The following SH3KBP1 variants were observed in gnomAD, a reference collection of about 807,000 sequenced individuals.
SH3KBP1 encodes SH3 domain-containing kinase-binding protein 1.
SH3KBP1 carries 8 observed loss-of-function variants against 50.1 expected under a neutral mutation model. That is an observed-to-expected ratio of 0.16 (90% confidence interval 0.09 to 0.29). The LOEUF is 0.29. SH3KBP1 is among the 10% of genes least tolerant of loss of function. The probability of loss-of-function intolerance (pLI) is 1.00; values close to 1 mark genes in which losing one functional copy is unlikely to be tolerated. For missense variants in SH3KBP1, 377 were observed against 535.2 expected, an observed-to-expected ratio of 0.70 and a Z score of 2.92; for synonymous variants, 227 against 218.6, an observed-to-expected ratio of 1.04 and a Z score of -0.34.
chrX:19,771,924 C>CA (rs112094907), intron 2 of SH3KBP1, among the ~76,000 whole-genome samples: 220 of 90,346 alleles, frequency 2.4e-3, no homozygotes, highest in South Asian at 7.0e-3. Context: ...ACAATTAAAA[C>CA]AAAAAAAAAA....
chrX:19,563,990 T>C (rs2065762249), intron 13 of SH3KBP1, among the ~76,000 whole-genome samples: 1 of 111,820 alleles, frequency 8.9e-6, no homozygotes, highest in Non-Finnish European at 1.9e-5. Context: ...TTTTTGTTTT[T>C]TTTTAATGGC....
intron 11 of SH3KBP1, among the ~76,000 whole-genome samples, chrX:19,590,363 G>A (rs1036764885): frequency 2.7e-5 from 3 of 111,450 alleles, no homozygotes; most frequent in African/African-American, 6.5e-5. Flanking sequence ...CCAAGTATCC[G>A]GGTAGGGCTG....
intron 2 of SH3KBP1, among the ~76,000 whole-genome samples, chrX:19,789,621 A>G (rs934339885): frequency 1.9e-5 from 2 of 108,044 alleles, no homozygotes; most frequent in African/African-American, 3.4e-5. Flanking sequence ...TTATGAGGAC[A>G]CCAGTCAGAT....
intron 1 of SH3KBP1, among the ~76,000 whole-genome samples, chrX:19,871,658 T>C (rs1889933512): frequency 2.7e-5 from 3 of 111,840 alleles, no homozygotes; most frequent in African/African-American, 6.5e-5. Context: ...CTGAAAGTGA[T>C]GAATTAAAAA....
rs138223884 is a variant in SH3KBP1, at chrX:19,676,234, T to G, written c.726+7589A>C. 4.0e-3 allele frequency among the ~76,000 whole-genome samples: 440 copies of G among 111,241 alleles called. 5 individuals are homozygous for G. The highest frequency in any genetic ancestry group is 0.013 in the African/African-American group (400 of 30,562). On this transcript the variant is annotated intron_variant, in intron 6 of 17. Transcript: ENST00000397821. ...GAGCTTATTTCTAGTCTTCAAAGGA[T>G]TAGGACATAGATCTCTCATTTTTAA...
chrX:19,591,427 T>C (rs2066746434), intron 11 of SH3KBP1, among the ~76,000 whole-genome samples: 1 of 110,940 alleles, frequency 9.0e-6, no homozygotes, highest in Admixed American at 9.6e-5. Context: ...AACGCGTTCA[T>C]AAACCTGATT....
intron 3 of SH3KBP1, among the ~76,000 whole-genome samples, chrX:19,721,598 T>C (rs1401118012): frequency 8.9e-6 from 1 of 111,839 alleles, no homozygotes; most frequent in Non-Finnish European, 1.9e-5. Context: ...TTTTTATTCA[T>C]TTACCAACAT....
chrX:19,728,888 A>C, intron 3 of SH3KBP1, among the ~76,000 whole-genome samples: 1 of 112,414 alleles, frequency 8.9e-6, no homozygotes, highest in South Asian at 3.6e-4. Flanking sequence ...CCAGCTGAAG[A>C]CATACTAGAA....
chrX:19,800,955 C>G (rs1425983342), intron 2 of SH3KBP1, among the ~76,000 whole-genome samples: 1 of 111,448 alleles, frequency 9.0e-6, no homozygotes. Context: ...CCTCAGTGAG[C>G]ACTGCTGGTT....
intron 8 of SH3KBP1, among the ~76,000 whole-genome samples, chrX:19,619,479 T>C (rs1428444680): frequency 8.9e-6 from 1 of 111,863 alleles, no homozygotes. Flanking sequence ...TTTTTTCCTG[T>C]CCATTTAAAT....
chrX:19,716,063 A>G (rs1482311011), intron 3 of SH3KBP1, among the ~76,000 whole-genome samples: 1 of 111,868 alleles, frequency 8.9e-6, no homozygotes, highest in Non-Finnish European at 1.9e-5. Context: ...AACAATACAA[A>G]CTTAACTAAA....
intron 10 of SH3KBP1, 46 bp from the exon 11 acceptor site, chrX:19,592,193 C>T: frequency 1.3e-5 from 13 of 974,430 alleles, no homozygotes; most frequent in Non-Finnish European, 1.3e-5. Flanking sequence ...TTTCTGTACT[C>T]AATTATTACA....
At chrX:19,582,332 C>A (rs1324976918) in intron 12 of SH3KBP1, among the ~76,000 whole-genome samples, 1 of 112,007 alleles carries the variant, frequency 8.9e-6, no homozygotes, top group Non-Finnish European at 1.9e-5. Flanking sequence ...CCAGAACACA[C>A]CAGCACCCAT....
intron 12 of SH3KBP1, among the ~76,000 whole-genome samples, chrX:19,586,503 C>T (rs896433440): frequency 1.8e-5 from 2 of 112,107 alleles, no homozygotes; most frequent in African/African-American, 6.5e-5. Flanking sequence ...TTCTGATATA[C>T]TAGCTTCTGG....
chrX:19,539,879 G>A lies in SH3KBP1; in HGVS notation c.1892+2046C>T, dbSNP rs377141487. Among the ~76,000 whole-genome samples the A allele has an allele frequency of 2.5e-3, 283 of 112,002 alleles. 1 individual carries two copies. The South Asian group carries it at 0.028, about 11-fold the overall frequency. On this transcript the variant is annotated intron_variant, in intron 16 of 17. Coordinates refer to ENST00000397821, the MANE Select transcript of SH3KBP1 (RefSeq NM_031892.3). ...ACTGTGGGGTGTTGACTCAAGAGAT[G>A]TTGGCCGGGGAAAGACAATTCCCAC...
chrX:19,746,274 T>C (rs369836437), intron 3 of SH3KBP1, 44 bp downstream of exon 3: 7 of 1,191,180 alleles, frequency 5.9e-6, no homozygotes, highest in Non-Finnish European at 6.8e-6. Context: ...GTTTCCAGCT[T>C]TTGTTTGTGT....
intron 2 of SH3KBP1, among the ~76,000 whole-genome samples, chrX:19,809,712 GA>G (rs778545497): frequency 8.9e-6 from 1 of 111,836 alleles, no homozygotes; most frequent in African/African-American, 3.2e-5. Flanking sequence ...AATATTCATG[GA>G]AAACGATAAT....
intron 2 of SH3KBP1, among the ~76,000 whole-genome samples, chrX:19,819,097 T>C (rs2067442641): frequency 8.9e-6 from 1 of 112,252 alleles, no homozygotes; most frequent in Non-Finnish European, 1.9e-5. Flanking sequence ...AACAGTTAGT[T>C]ATAGGACTAT....
At chrX:19,834,549 C>T (rs1277499650) in intron 2 of SH3KBP1, among the ~76,000 whole-genome samples, 4 of 111,884 alleles carry the variant, frequency 3.6e-5, no homozygotes, top group African/African-American at 9.8e-5. Context: ...TTTTTCTACC[C>T]AACAATTCAA....
Sources: allele counts gnomAD v4.1 joint callset (sites outside exome capture counted in the v4.1 genomes callset), GRCh38; gene constraint gnomAD v4.1.1; transcripts MANE v1.5; gene names NCBI Gene and HGNC (gene_info 2026-07-23, HGNC 2026-07-21).